Variants in GABRB3 observed in about 807,000 individuals in gnomAD.
GABRB3 encodes the protein gamma-aminobutyric acid receptor subunit beta-3.
A neutral mutation model predicts 52.1 loss-of-function variants in GABRB3; 14 were observed. That is an observed-to-expected ratio of 0.27 (90% CI 0.18 to 0.42). The LOEUF is 0.42. Ranked by LOEUF, GABRB3 falls within the 10% of genes least tolerant of loss-of-function variation. GABRB3 has a pLI of 1.00. For synonymous variants in GABRB3, 260 were observed against 232.3 expected (o/e 1.12, Z -1.08); for missense variants, 307 against 609.1 (o/e 0.50, Z 5.22).
In GABRB3 at chr15:26,621,439, C is replaced by A; in HGVS notation, c.336G>T (p.Val112=). Residue 112 remains valine (V), a synonymous_variant, in exon 4 of 9, where the codon GTG becomes GTT. Coordinates refer to ENST00000311550, the MANE Select transcript of GABRB3 (RefSeq NM_000814.6). This position sits in a 1 kb window ranked among gnomAD's most constrained non-coding sequence, Gnocchi z 4.1. ...IPLNLTLDNR[V]ADQLWVPDTY... ...TGTCGGGCACCCATAGCTGGTCAGC[C>A]ACTCGATTGTCAAGCGTGAGGTTGA... 6.2e-7 allele frequency: 1 copy of A among 1,614,150 alleles called. No homozygotes were observed. The highest frequency in any genetic ancestry group is 8.5e-7 in the Non-Finnish European group (1 of 1,180,018).
chr15:26,763,148 A>G (rs1890866011), intron 3 of GABRB3, among the ~76,000 whole-genome samples: 1 of 152,160 alleles, frequency 6.6e-6, no homozygotes, highest in African/African-American at 2.4e-5. Flanking sequence ...GTGAGAAATT[A>G]TTCTTGGAGG....
intron 3 of GABRB3, among the ~76,000 whole-genome samples, chr15:26,660,040 G>C (rs1373938628): frequency 6.6e-6 from 1 of 152,048 alleles, no homozygotes; most frequent in Non-Finnish European, 1.5e-5. Context: ...GACCAACCCG[G>C]CCAACACGGT....
intron 3 of GABRB3, among the ~76,000 whole-genome samples, chr15:26,631,979 T>C (rs1892923810): frequency 6.6e-6 from 1 of 152,006 alleles, no homozygotes; most frequent in South Asian, 2.1e-4. Context: ...CACAATCTAG[T>C]GGGGAGAAAG....
rs549964112 is a variant in GABRB3 at position 26,638,646 on chromosome 15, A to C, written c.241-17112T>G. On this transcript the variant is annotated intron_variant, in intron 3 of 8. Coordinates refer to ENST00000311550, the MANE Select transcript of GABRB3 (RefSeq NM_000814.6). ...GTTTCCTAATCCAGTTCCAAGACCC[A>C]CCCCAGTTGCCTTGAGTCAGAATCC... 8.8e-4 allele frequency among the ~76,000 whole-genome samples: 134 copies of C among 151,918 alleles called. 1 individual carries two copies. The highest frequency in any genetic ancestry group is 3.1e-3 in the African/African-American group (129 of 41,430).
At chr15:26,559,557 T>C (rs1889901334) in intron 8 of GABRB3, among the ~76,000 whole-genome samples, 1 of 151,960 alleles carries the variant, frequency 6.6e-6, no homozygotes, top group Non-Finnish European at 1.5e-5. Flanking sequence ...TAGAAATATA[T>C]ACTTGAGGAT....
intron 3 of GABRB3, among the ~76,000 whole-genome samples, chr15:26,734,638 C>CAAA (rs527622047): frequency 1.0e-5 from 1 of 96,284 alleles, no homozygotes; most frequent in Non-Finnish European, 2.2e-5. Flanking sequence ...GGGTGAGTCT[C>CAAA]AAAAAAAAAA....
rs556731197 is a variant in GABRB3, at chr15:26,543,673, A to G, written c.*4120T>C. 6.5e-6 allele frequency: 1 copy of G among 152,764 alleles called. No individual in the cohort carries two copies. Among genetic ancestry groups the G allele is most frequent in the African/African-American group, 2.4e-5 (1 of 41,570 alleles). 9.5% of individuals were successfully genotyped at this position (152,764 alleles called of 1,614,324 possible). A position where few individuals can be genotyped will look rare whatever the true frequency, so the allele number is the denominator to read the frequency against. On this transcript the variant is annotated 3_prime_UTR_variant, in exon 9 of 9. Coordinates refer to ENST00000311550, the MANE Select transcript of GABRB3 (RefSeq NM_000814.6). ...ACCAAAAAATTACATCAATGTGCTT[A>G]AGCAAAACTGGGTTTAAATTTATCT...
intron 3 of GABRB3, among the ~76,000 whole-genome samples, chr15:26,654,096 A>G (rs1258736061): frequency 6.6e-6 from 1 of 152,212 alleles, no homozygotes; most frequent in Non-Finnish European, 1.5e-5. Flanking sequence ...ATAAATATAC[A>G]AAGTTTGATG....
At chr15:26,611,028 TGA>T (rs1892048786) in intron 4 of GABRB3, among the ~76,000 whole-genome samples, 1 of 152,220 alleles carries the variant, frequency 6.6e-6, no homozygotes, top group South Asian at 2.1e-4. Flanking sequence ...CCGAATCTTC[TGA>T]GTTATTGGCA....
At position 26,621,461 on chromosome 15, in the gene GABRB3, T is replaced by G; in HGVS notation, c.314A>C (p.Asn105Thr). ...KRLAYSGIPL[N>T]LTLDNRVADQ... is the part of the protein sequence containing the mutation. ...AGCCACTCGATTGTCAAGCGTGAGG[T>G]TGAGAGGGATCCCAGAATAGGCGAG... Residue 105 changes from asparagine (N) to threonine (T), a missense_variant, in exon 4 of 9, where the codon AAC becomes ACC. Physicochemically the swap from Asn to Thr is moderately conservative, Grantham distance 65 (BLOSUM62 0). Transcript: ENST00000311550. The surrounding 1 kb of genome is among the most constrained non-coding windows in gnomAD (Gnocchi z 4.1). 6.2e-7 allele frequency: 1 copy of G among 1,614,090 alleles called. No individual in the cohort carries two copies. Among genetic ancestry groups the G allele is most frequent in the Non-Finnish European group, 8.5e-7 (1 of 1,179,992 alleles).
At chr15:26,589,473 G>A (rs1217483996) in intron 4 of GABRB3, among the ~76,000 whole-genome samples, 3 of 152,168 alleles carry the variant, frequency 2.0e-5, no homozygotes, top group Admixed American at 6.6e-5. Flanking sequence ...TTGATTCACT[G>A]TAAACACTGG....
chr15:26,569,705 T>G (rs1186356191), intron 6 of GABRB3, among the ~76,000 whole-genome samples: 1 of 152,258 alleles, frequency 6.6e-6, no homozygotes, highest in Non-Finnish European at 1.5e-5. Flanking sequence ...GTCAAATTAC[T>G]TTGCAAATGT....
At chr15:26,655,917 T>A (rs181619844) in intron 3 of GABRB3, among the ~76,000 whole-genome samples, 15 of 152,202 alleles carry the variant, frequency 9.9e-5, no homozygotes, top group Admixed American at 2.0e-4. Context: ...ACAAGTAATC[T>A]GCATCATTGT....
At chr15:26,653,131 T>C (rs1273952598) in intron 3 of GABRB3, among the ~76,000 whole-genome samples, 1 of 152,184 alleles carries the variant, frequency 6.6e-6, no homozygotes, top group Non-Finnish European at 1.5e-5. Flanking sequence ...AGTTTAACTT[T>C]AAAATAAGAT....
intron 3 of GABRB3, among the ~76,000 whole-genome samples, chr15:26,722,475 T>C (rs1566819218): frequency 1.3e-5 from 2 of 152,196 alleles, no homozygotes. Flanking sequence ...TGACGTGCTG[T>C]GAAAATCAAA....
intron 3 of GABRB3, among the ~76,000 whole-genome samples, chr15:26,725,908 C>A (rs2097081600): frequency 1.3e-5 from 2 of 152,198 alleles, no homozygotes; most frequent in Admixed American, 1.3e-4. Flanking sequence ...TGTAGACAAT[C>A]TGTGGTTGTT....
At chr15:26,737,664 T>C (rs1416651313) in intron 3 of GABRB3, among the ~76,000 whole-genome samples, 1 of 151,938 alleles carries the variant, frequency 6.6e-6, no homozygotes, top group Admixed American at 6.6e-5. Flanking sequence ...GATAATGGGG[T>C]TAAAATAAAA....
At chr15:26,698,471 G>T (rs1888816415) in intron 3 of GABRB3, among the ~76,000 whole-genome samples, 1 of 152,086 alleles carries the variant, frequency 6.6e-6, no homozygotes, top group Non-Finnish European at 1.5e-5. Flanking sequence ...ATAGGGTACT[G>T]CTCTGCAAAC....
chr15:26,704,413 T>G (rs1278084754), intron 3 of GABRB3, among the ~76,000 whole-genome samples: 4 of 152,214 alleles, frequency 2.6e-5, no homozygotes, highest in Non-Finnish European at 4.4e-5. Flanking sequence ...ATTGTCTTGA[T>G]GTATATAGCC....
Sources: gnomAD v4.1 joint callset for allele counts (sites outside exome capture counted in the v4.1 genomes callset) on GRCh38, gnomAD v4.1.1 for gene constraint, Gnocchi (gnomAD v3.1) non-coding constraint, MANE v1.5 for transcripts, NCBI Gene and HGNC (gene_info 2026-07-23, HGNC 2026-07-21) for gene names.